The following PAX8 variants were observed in gnomAD, a reference collection of about 807,000 sequenced individuals.
The protein encoded by PAX8 is paired box 8, also known as paired box protein Pax-8.
In PAX8, 15 loss-of-function variants were observed where a neutral mutation model predicts 52.4. The ratio of observed to expected loss-of-function variants is 0.29; its 90% CI spans 0.19 to 0.44. The LOEUF (loss-of-function observed/expected upper bound fraction) is 0.44. Ranked by LOEUF, PAX8 falls within the 20% of genes least tolerant of loss-of-function variation. The pLI, the probability that PAX8 is intolerant of heterozygous loss-of-function variation, is 1.00. For missense variants in PAX8, 554 were observed against 602.5 expected (o/e 0.92, Z 0.84); for synonymous variants, 284 against 249.7 (o/e 1.14, Z -1.29).
chr2:113,221,363 C>A (rs11123170), intron 10 of PAX8, among the ~76,000 whole-genome samples: 1 of 152,006 alleles, frequency 6.6e-6, no homozygotes, highest in Non-Finnish European at 1.5e-5. Flanking sequence ...GTCTCCTTCC[C>A]CAGACTCTTT....
In PAX8 at chr2:113,218,383, A is replaced by G. The variant is rs1485757036; in HGVS notation, c.*150T>C. On this transcript the variant is annotated 3_prime_UTR_variant, in exon 12 of 12. Coordinates refer to ENST00000429538, the MANE Select transcript of PAX8 (RefSeq NM_003466.4). The stretch of plus-strand genomic sequence containing the variant: ...AAGGTCATCCTGTCTTTCATGGTTC[A>G]TTAAATTAACCACACAGGGAGTGTG... 1.6e-5 allele frequency: 8 copies of G among 492,200 alleles called. No individual in the cohort carries two copies. In the East Asian group the frequency reaches 2.6e-4, roughly 16 times the overall value. 30.5% of individuals were successfully genotyped at this position (492,200 alleles called of 1,614,324 possible).
intron 10 of PAX8, among the ~76,000 whole-genome samples, chr2:113,221,218 AT>A (rs1467126315): frequency 6.6e-6 from 1 of 152,210 alleles, no homozygotes; most frequent in Non-Finnish European, 1.5e-5. Context: ...TTGACTCCAA[AT>A]TGCAGATAAT....
chr2:113,251,238 A>G lies in PAX8; in HGVS notation c.26-4319T>C, dbSNP rs186503822. Among the ~76,000 whole-genome samples the G allele has an allele frequency of 1.4e-3, 209 of 152,174 alleles. 2 individuals carry two copies. The highest frequency in any genetic ancestry group is 0.012 in the Admixed American group (190 of 15,274). ...ACCAAATGCCCAGAGGTGGGTGCAG[A>G]CTTCCTTCCTGCACTGGGGTTGGGG... is the stretch of plus-strand genomic sequence containing the variant. On this transcript the variant is annotated intron_variant, in intron 2 of 11. Coordinates refer to ENST00000429538, the MANE Select transcript of PAX8 (RefSeq NM_003466.4).
chr2:113,225,031 G>GT (rs1287889227), intron 10 of PAX8, among the ~76,000 whole-genome samples: 2 of 151,874 alleles, frequency 1.3e-5, no homozygotes, highest in Non-Finnish European at 2.9e-5. Context: ...TGAAAAATCC[G>GT]TGTTTGCATA....
intron 2 of PAX8, chr2:113,272,891 G>A (rs1693558997): frequency 6.6e-6 from 1 of 152,196 alleles, no homozygotes; most frequent in Non-Finnish European, 1.5e-5. Flanking sequence ...TGAAGAGAAT[G>A]AGGACCCGAA....
rs1689096352 is a variant in PAX8 at position 113,218,335 on chromosome 2, T to C, written c.*198A>G. ...ACTCCTGCCCCTCATTAAGGAGTCT[T>C]GGAGGACAGTTTGGCCTTGTCCAAG... On this transcript the variant is annotated 3_prime_UTR_variant, in exon 12 of 12. Coordinates refer to ENST00000429538, the MANE Select transcript of PAX8 (RefSeq NM_003466.4). The C allele has an allele frequency of 2.3e-6, 1 of 427,416 alleles. No homozygotes were observed. The highest frequency in any genetic ancestry group is 7.4e-5 in the South Asian group (1 of 13,584). 26.5% of individuals were successfully genotyped at this position (427,416 alleles called of 1,614,324 possible).
intron 2 of PAX8, among the ~76,000 whole-genome samples, 194 bp downstream of exon 2, chr2:113,278,176 G>A (rs1449821322): frequency 6.6e-6 from 1 of 152,236 alleles, no homozygotes; most frequent in Non-Finnish European, 1.5e-5. Context: ...CAGCTGGCCG[G>A]GTGGAACCCC....
chr2:113,273,798 A>C (rs1291106942), intron 2 of PAX8: 6 of 151,960 alleles, frequency 3.9e-5, no homozygotes, highest in African/African-American at 1.2e-4. Flanking sequence ...ATACTCTTTC[A>C]ATTTCACTAA....
At chr2:113,252,683 G>T (rs1000767345) in intron 2 of PAX8, among the ~76,000 whole-genome samples, 1 of 152,228 alleles carries the variant, frequency 6.6e-6, no homozygotes, top group Non-Finnish European at 1.5e-5. Flanking sequence ...AACTGTAGCC[G>T]AAAGACAGCA....
intron 9 of PAX8, among the ~76,000 whole-genome samples, chr2:113,232,423 G>A (rs746886580): frequency 8.5e-4 from 129 of 152,224 alleles, no homozygotes; most frequent in Non-Finnish European, 1.5e-3. Context: ...TGACCAGCCA[G>A]CAACCTTCAA....
In PAX8 at chr2:113,246,845, T is replaced by C. The variant is rs760446471; in HGVS notation, c.100A>G (p.Ile34Val). ...ACACCCTGGTGGGCCAGGTCTACGA[T>C]GCGCTGGCGGACCACTTCCGGCAGA... ...RPLPEVVRQR[I>V]VDLAHQGVRP... is the part of the protein sequence containing the mutation. Residue 34 changes from isoleucine (I) to valine (V), a missense_variant, in exon 3 of 12, where the codon ATC becomes GTC. Around this residue, in one of 2 missense-constraint regions of PAX8, gnomAD observed 109 missense variants for 192.7 expected, o/e 0.57. Coordinates refer to ENST00000429538, the MANE Select transcript of PAX8 (RefSeq NM_003466.4). The C allele has an allele frequency of 6.2e-7, 1 of 1,614,214 alleles. No individual in the cohort carries two copies. The highest frequency in any genetic ancestry group is 8.5e-7 in the Non-Finnish European group (1 of 1,180,006).
At position 113,241,691 on chromosome 2, in the gene PAX8, G is replaced by T. The variant is rs1690855442; in HGVS notation, c.637C>A (p.Gln213Lys). Residue 213 changes from glutamine (Q) to lysine (K), a missense_variant, in exon 7 of 12, where the codon CAG (glutamine) becomes AAG (lysine). Around this residue, in one of 2 missense-constraint regions of PAX8, gnomAD observed 445 missense variants for 409.9 expected, o/e 1.09. Transcript: ENST00000429538. ...QDSCRLSIDS[Q>K]SSSSGPRKHL... is the part of the protein sequence containing the mutation. Reference sequence around the variant, plus strand: ...TTTCGGGGTCCGCTGCTGCTGCTCTGTGAGTCAATGCTTAGTCGGCAGCTA... The same window carrying T: ...TTTCGGGGTCCGCTGCTGCTGCTCTTTGAGTCAATGCTTAGTCGGCAGCTA... 5 of 1,614,190 alleles carry T rather than the reference G, an allele frequency of 3.1e-6. No homozygotes were observed. The East Asian group carries it at 1.1e-4, about 36-fold the overall frequency.
At chr2:113,233,837 G>C (rs1280744862) in intron 9 of PAX8, among the ~76,000 whole-genome samples, 2 of 152,114 alleles carry the variant, frequency 1.3e-5, no homozygotes, top group Non-Finnish European at 2.9e-5. Flanking sequence ...AGTTCTTCAG[G>C]GGTCTGGTGA....
chr2:113,241,139 T>C (rs1690801422), intron 7 of PAX8: 1 of 346,048 alleles, frequency 2.9e-6, no homozygotes, highest in African/African-American at 2.1e-5. Context: ...CCATGAGTAA[T>C]GCAAGAGCAT....
At chr2:113,235,810 GA>G in intron 8 of PAX8, 2 of 538,750 alleles carry the variant, frequency 3.7e-6, no homozygotes, top group Non-Finnish European at 6.6e-6. Flanking sequence ...GAGAGACCCG[GA>G]AGGCGTGTGT....
intron 2 of PAX8, among the ~76,000 whole-genome samples, chr2:113,258,935 T>C (rs1336724584): frequency 6.6e-6 from 1 of 152,142 alleles, no homozygotes. Context: ...TCTAAGCTCC[T>C]TAAGAAAAGT....
chr2:113,233,687 A>AC lies in PAX8; in HGVS notation c.1087+1706_1087+1707insG, dbSNP rs1168804066. Among the ~76,000 whole-genome samples, 6 of 145,758 alleles carry AC rather than the reference A, an allele frequency of 4.1e-5. No homozygotes were observed. In the East Asian group the frequency reaches 7.7e-4, roughly 19 times the overall value. ...AGTGAGATTCCATCTCAAAAAACAAAAAAACAAAAAAAAAAGGGTCCAGGG... is the reference window on the plus strand; with the variant it reads ...AGTGAGATTCCATCTCAAAAAACAAACAAAACAAAAAAAAAAGGGTCCAGGG... On this transcript the variant is annotated intron_variant, in intron 9 of 11. Transcript: ENST00000429538.
chr2:113,249,859 T>A (rs1386189544), intron 2 of PAX8, among the ~76,000 whole-genome samples: 1 of 152,242 alleles, frequency 6.6e-6, no homozygotes, highest in Non-Finnish European at 1.5e-5. Context: ...TCTTTGACAC[T>A]GCCTGTTTTA....
At chr2:113,236,517 G>C (rs1690355013) in intron 8 of PAX8, 84 bp downstream of exon 8, 1 of 1,464,910 alleles carries the variant, frequency 6.8e-7, no homozygotes, top group Admixed American at 2.1e-5. Context: ...CTCCAGGCCA[G>C]GGCCCCACAC....
Sources: allele counts gnomAD v4.1 joint callset (sites outside exome capture counted in the v4.1 genomes callset), GRCh38; gene constraint gnomAD v4.1.1; regional missense constraint gnomAD v4.1.1; transcripts MANE v1.5; gene names NCBI Gene and HGNC (gene_info 2026-07-23, HGNC 2026-07-21).